Variants in HELZ2 observed in about 807,000 individuals in gnomAD.
HELZ2 encodes 3'-5' exoribonuclease HELZ2.
In HELZ2, 143 loss-of-function variants were observed where a neutral mutation model predicts 208.8. That is an observed-to-expected ratio of 0.68 (90% CI 0.60 to 0.79). The LOEUF (loss-of-function observed/expected upper bound fraction) is 0.79, where lower values mean the gene tolerates loss of function less well. HELZ2 is among the 30% of genes least tolerant of loss of function. The probability of loss-of-function intolerance (pLI) is 0.00; values close to 1 mark genes in which losing one functional copy is unlikely to be tolerated. For missense variants in HELZ2, 3,690 were observed against 3,794.5 expected (o/e 0.97, Z 0.72); for synonymous variants, 1,705 against 1,693.7 (o/e 1.01, Z -0.16).
rs747772820 is a variant in HELZ2 at position 63,560,917 on chromosome 20, C to G, written c.7159G>C (p.Gly2387Arg). 4 of 1,612,858 alleles carry G rather than the reference C, an allele frequency of 2.5e-6. No homozygotes were observed. In the Admixed American group the frequency reaches 6.7e-5, roughly 27 times the overall value. The change falls in exon 15 of 19, where the codon GGA becomes CGA. Residue 2387 changes from glycine (G) to arginine (R), a missense_variant. By Grantham distance (125) the Gly-to-Arg change is moderately radical (BLOSUM62 -2). This residue lies in a region of HELZ2 where 2,564 missense variants were observed against 2,580.5 expected (regional missense o/e 0.99). Coordinates refer to ENST00000467148, the Ensembl canonical transcript of HELZ2. Reference sequence around the variant, plus strand: ...ACAGGCCGCAGCTGCTTGTGGTCTCCGAGAAGAACCACCTGGAGGAATAGG... The same window carrying G: ...ACAGGCCGCAGCTGCTTGTGGTCTCGGAGAAGAACCACCTGGAGGAATAGG...
At chr20:63,564,528 T>A in exon 8 of HELZ2, 1 of 1,580,140 alleles carries the variant, frequency 6.3e-7, no homozygotes, top group Non-Finnish European at 8.6e-7. Context: ...TTCTCCATGG[T>A]GAGGAACAGG....
At chr20:63,561,929 G>C (rs137909148) in exon 11 of HELZ2, 231 of 1,600,266 alleles carry the variant, frequency 1.4e-4, no homozygotes, top group Non-Finnish European at 1.8e-4. Flanking sequence ...CCTGCTCCTG[G>C]TTTGATTTAT....
In HELZ2 at chr20:63,561,994, G is replaced by C. The variant is rs779834791; in HGVS notation, c.6530-10C>G. 6.9e-6 allele frequency: 11 copies of C among 1,590,926 alleles called. No individual in the cohort carries two copies. The highest frequency in any genetic ancestry group is 8.6e-6 in the Non-Finnish European group (10 of 1,165,238). On this transcript the variant is annotated splice_polypyrimidine_tract_variant and intron_variant, in intron 10 of 18. Transcript: ENST00000467148. Reference sequence around the variant, plus strand: ...ATCGTCTTCCCTGTACCTGCAGCCAGAGAATAGGAGATTGTAGCCCACCCT... The same window carrying C: ...ATCGTCTTCCCTGTACCTGCAGCCACAGAATAGGAGATTGTAGCCCACCCT...
chr20:63,561,842 CTTG>C, exon 11 of HELZ2: 3 of 1,564,444 alleles, frequency 1.9e-6, no homozygotes, highest in East Asian at 4.7e-5. Context: ...CATCCACCGA[CTTG>C]TTGGAGGGGC....
At chr20:63,566,111 C>T (rs1463962075) in exon 8 of HELZ2, 8 of 1,582,068 alleles carry the variant, frequency 5.1e-6, no homozygotes, top group East Asian at 4.5e-5. Flanking sequence ...GGACTGGGCG[C>T]GGGTCAGGAC....
Position 63,562,388 on chromosome 20 carries a change from G to A in HELZ2, c.6303-6C>T, listed in dbSNP as rs986534101. On this transcript the variant is annotated splice_polypyrimidine_tract_variant and splice_region_variant and intron_variant, in intron 8 of 18. Transcript: ENST00000467148. ...GCACGGCTTCCTCCTTGCGGCTGGG[G>A]GTGAAGGCAGACACTGGAAAACCAA... The A allele has an allele frequency of 1.9e-6, 3 of 1,576,198 alleles. No homozygotes were observed. Among genetic ancestry groups the A allele is most frequent in the African/African-American group, 1.4e-5 (1 of 73,910 alleles).
chr20:63,563,230 C>G lies in HELZ2; in HGVS notation c.5592G>C (p.Arg1864=), dbSNP rs747841602. The G allele has an allele frequency of 1.9e-5, 30 of 1,567,988 alleles. No homozygotes were observed. In the South Asian group the frequency reaches 2.1e-4, roughly 11 times the overall value. Residue 1864 remains arginine (R), a synonymous_variant, in exon 8 of 19, where the codon CGG becomes CGC. Coordinates refer to ENST00000467148, the Ensembl canonical transcript of HELZ2. The stretch of plus-strand genomic sequence containing the variant: ...CCTCCAGGAAATGGCCACAGTGGCT[C>G]CGCTGCACCTGCACCAGCTCCCGCC...
exon 5 of HELZ2, chr20:63,568,933 G>A (rs140900015): frequency 1.3e-5 from 21 of 1,608,314 alleles, no homozygotes; most frequent in African/African-American, 6.7e-5. Context: ...CCGGAGGCGC[G>A]AAGAGCATGT....
rs902597273 is a variant in HELZ2, at chr20:63,563,493, G to T, written c.5329C>A (p.Gln1777Lys). 4.0e-6 allele frequency: 6 copies of T among 1,512,720 alleles called. No homozygotes were observed. The African/African-American group carries it at 5.5e-5, about 14-fold the overall frequency. The allele number at this position is 1,512,720 out of a possible 1,614,324, so 93.7% of individuals were successfully genotyped here. Residue 1777 changes from glutamine (Q) to lysine (K), a missense_variant, in exon 8 of 19, where the codon CAG becomes AAG. Transcript: ENST00000467148. ...AGGGCGTGGGGGTGCTCGGCCAGCT[G>T]CAGGGAGCCGTAGGGGACGGGGCAG...
chr20:63,569,326 C>A, exon 4 of HELZ2: 1 of 1,594,996 alleles, frequency 6.3e-7, no homozygotes, highest in Non-Finnish European at 8.5e-7. Context: ...CGCTCCACGC[C>A]AGGCACCACG....
intron 2 of HELZ2, 37 bp from the exon 4 acceptor site, chr20:63,570,648 C>T: frequency 2.7e-6 from 2 of 733,926 alleles, no homozygotes; most frequent in South Asian, 2.8e-5. Flanking sequence ...GAGGCCTGGA[C>T]CCCACCCCAC....
rs766017743 is a variant in HELZ2, at chr20:63,561,432, G to T, written c.6871C>A (p.Pro2291Thr). The T allele has an allele frequency of 2.5e-6, 4 of 1,612,070 alleles. No homozygotes were observed. The African/African-American group carries it at 5.3e-5, about 22-fold the overall frequency. ...TTGATTTCCGACGAGTAAGGGTTGG[G>T]GGCCTGCCGGATCCGGTGGTGCAGG... Residue 2291 changes from proline to threonine, a missense_variant, in exon 13 of 19, where the codon CCC becomes ACC. Physicochemically the swap from Pro to Thr is conservative, Grantham distance 38. Coordinates refer to ENST00000467148, the Ensembl canonical transcript of HELZ2.
At position 63,565,179 on chromosome 20, in the gene HELZ2, T is replaced by C. The variant is rs1377567770; in HGVS notation, c.3643A>G (p.Ile1215Val). Residue 1215 changes from isoleucine to valine, a missense_variant, in exon 8 of 19, where the codon ATC (isoleucine) becomes GTC (valine). Around this residue, in one of 3 missense-constraint regions of HELZ2, gnomAD observed 2,564 missense variants for 2,580.5 expected, o/e 0.99. Coordinates refer to ENST00000467148, the Ensembl canonical transcript of HELZ2. ...ACGGAGCCATTGATGGGGACCATGA[T>C]GCGCGGGTCCCACGTGTCCATGCGG... 1.2e-6 allele frequency: 2 copies of C among 1,603,880 alleles called. No individual in the cohort carries two copies. The highest frequency in any genetic ancestry group is 1.7e-6 in the Non-Finnish European group (2 of 1,175,932).
exon 8 of HELZ2, chr20:63,564,272 C>T: frequency 6.2e-7 from 1 of 1,610,884 alleles, no homozygotes; most frequent in Non-Finnish European, 8.5e-7. Context: ...CGCGCGGAAG[C>T]CCAGGGTGCC....
exon 5 of HELZ2, chr20:63,568,821 C>A (rs1383141078): frequency 6.2e-7 from 1 of 1,612,060 alleles, no homozygotes; most frequent in Non-Finnish European, 8.5e-7. Context: ...GGTGCAGGTA[C>A]AGGGGCCACC....
intron 5 of HELZ2, chr20:63,568,090 A>G (rs936090201): frequency 1.8e-6 from 1 of 565,184 alleles, no homozygotes; most frequent in Non-Finnish European, 3.1e-6. Flanking sequence ...TCATCCCCAG[A>G]AGTCCTGGGT....
exon 19 of HELZ2, chr20:63,559,237 G>A: frequency 3.3e-6 from 5 of 1,538,116 alleles, no homozygotes; most frequent in Non-Finnish European, 3.5e-6. Flanking sequence ...TGCAGGTGGA[G>A]AGGGCTCTTC....
At chr20:63,565,579 C>T (rs765506677) in exon 8 of HELZ2, 6 of 1,608,946 alleles carry the variant, frequency 3.7e-6, no homozygotes, top group Non-Finnish European at 5.1e-6. Flanking sequence ...CCTTCTGGCT[C>T]TCGTCCAGAA....
In HELZ2 at chr20:63,568,734, G is replaced by GGGCCGGAAGCAGCAGCC; in HGVS notation, c.1337_1353dup (p.Arg452GlyfsTer31). On this transcript the variant is annotated frameshift_variant, in exon 5 of 19. Transcript: ENST00000467148. LOFTEE classifies it high-confidence loss of function. ...TGCAGCCCCAGGGCCAAGCAGCAGCGGGCCGGAAGCAGCAGCCACAGCGCC... is the reference window on the plus strand; with the variant it reads ...TGCAGCCCCAGGGCCAAGCAGCAGCGGGCCGGAAGCAGCAGCCGGCCGGAAGCAGCAGCCACAGCGCC... The GGGCCGGAAGCAGCAGCC allele has an allele frequency of 1.2e-6, 2 of 1,605,198 alleles. No homozygotes were observed. Among genetic ancestry groups the GGGCCGGAAGCAGCAGCC allele is most frequent in the Non-Finnish European group, 1.7e-6 (2 of 1,178,440 alleles).
Sources: allele counts gnomAD v4.1 joint callset, GRCh38; gene constraint gnomAD v4.1.1; regional missense constraint gnomAD v4.1.1; transcripts MANE v1.5; gene names NCBI Gene and HGNC (gene_info 2026-07-23, HGNC 2026-07-21).